DOK6: variants seen among roughly 807,000 people sequenced by gnomAD.
The protein encoded by DOK6 is docking protein 6.
A neutral mutation model predicts 44.0 loss-of-function variants in DOK6; 22 were observed. The ratio of observed to expected loss-of-function variants is 0.50; its 90% CI spans 0.36 to 0.71. DOK6 has a LOEUF of 0.71. Ranked by LOEUF, DOK6 falls within the 30% of genes least tolerant of loss-of-function variation. The probability of loss-of-function intolerance (pLI) is 0.00; values close to 1 mark genes in which losing one functional copy is unlikely to be tolerated. For synonymous variants in DOK6, 166 were observed against 145.5 expected (o/e 1.14, Z -1.01); for missense variants, 340 against 416.4 (o/e 0.82, Z 1.60).
chr18:69,764,282 A>G (rs17792135), intron 7 of DOK6, among the ~76,000 whole-genome samples: 14,353 of 152,194 alleles, frequency 0.094, 717 homozygotes, highest in Middle Eastern at 0.14. Context: ...ACAGTGCCCA[A>G]TGAGCAGGTT....
At chr18:69,721,072 C>T (rs2144723600) in intron 5 of DOK6, among the ~76,000 whole-genome samples, 1 of 152,230 alleles carries the variant, frequency 6.6e-6, no homozygotes, top group South Asian at 2.1e-4. Flanking sequence ...GTCTTGCCTT[C>T]TTCAGTTCAT....
intron 6 of DOK6, among the ~76,000 whole-genome samples, chr18:69,751,388 TAAA>T (rs1177025998): frequency 1.3e-5 from 2 of 152,212 alleles, no homozygotes; most frequent in African/African-American, 4.8e-5. Flanking sequence ...ATAGTACAGT[TAAA>T]AAGTACTTAA....
chr18:69,779,910 T>G (rs926307028), intron 7 of DOK6, among the ~76,000 whole-genome samples: 1 of 152,132 alleles, frequency 6.6e-6, no homozygotes, highest in African/African-American at 2.4e-5. Context: ...TTTTCATGTT[T>G]TCACAGTTTC....
At chr18:69,676,358 AT>A (rs1297353216) in intron 3 of DOK6, among the ~76,000 whole-genome samples, 3 of 152,190 alleles carry the variant, frequency 2.0e-5, no homozygotes, top group Non-Finnish European at 4.4e-5. Context: ...GATGAAACTT[AT>A]TTTTGCTGCA....
intron 3 of DOK6, among the ~76,000 whole-genome samples, chr18:69,619,070 A>G (rs73973505): frequency 6.9e-4 from 105 of 152,072 alleles, no homozygotes; most frequent in African/African-American, 2.2e-3. Flanking sequence ...AAGAGATGCC[A>G]CAAAAAAACT....
At chr18:69,698,653 A>G (rs1986446455) in intron 5 of DOK6, 60 bp downstream of exon 5, 1 of 1,528,306 alleles carries the variant, frequency 6.5e-7, no homozygotes, top group Non-Finnish European at 8.8e-7. Context: ...TCTGTATAAC[A>G]GAGTCCTGAA....
rs189130684 is a variant in DOK6 at position 69,479,685 on chromosome 18, G to T, written c.66+78375G>T. 1.5e-3 allele frequency among the ~76,000 whole-genome samples: 225 copies of T among 152,088 alleles called. 1 individual carries two copies. The highest frequency in any genetic ancestry group is 2.6e-3 in the Non-Finnish European group (177 of 67,954). Reference sequence around the variant, plus strand: ...TTTGGCAAATTTTCACACACAAAAAGAAATACTCCTTATCACCTGTGGTAT... The same window carrying T: ...TTTGGCAAATTTTCACACACAAAAATAAATACTCCTTATCACCTGTGGTAT... On this transcript the variant is annotated intron_variant, in intron 1 of 7. Transcript: ENST00000382713.
Position 69,648,200 on chromosome 18 carries a change from A to G in DOK6, c.290-29534A>G, listed in dbSNP as rs557094427. Among the ~76,000 whole-genome samples the G allele has an allele frequency of 1.6e-3, 247 of 152,320 alleles. 1 individual carries two copies. The highest frequency in any genetic ancestry group is 3.4e-3 in the Middle Eastern group (1 of 294). The stretch of plus-strand genomic sequence containing the variant: ...ATTAATATTTTAGCTCCCTATAGTT[A>G]TTTACTATAATTGTTGAAGAAAATA... On this transcript the variant is annotated intron_variant, in intron 3 of 7. Transcript: ENST00000382713.
At chr18:69,436,555 A>C (rs373854018) in intron 1 of DOK6, among the ~76,000 whole-genome samples, 1 of 152,118 alleles carries the variant, frequency 6.6e-6, no homozygotes, top group East Asian at 1.9e-4. Flanking sequence ...TCTCCAGTCT[A>C]TCATTGATGG....
At chr18:69,733,767 G>A (rs895054699) in intron 5 of DOK6, among the ~76,000 whole-genome samples, 2 of 152,012 alleles carry the variant, frequency 1.3e-5, no homozygotes, top group African/African-American at 4.8e-5. Context: ...ATTAATGTGT[G>A]TAAACCCTAA....
Position 69,693,329 on chromosome 18 carries a change from AAAG to A in DOK6, c.410-5072_410-5070del, listed in dbSNP as rs1390355876. ...TCTTTGAAGAAAAAAAAAAAAAAAAAAAGAATCTATTGGCTTCCAGTAGACATT... is the reference window on the plus strand; with the variant it reads ...TCTTTGAAGAAAAAAAAAAAAAAAAAAATCTATTGGCTTCCAGTAGACATT... On this transcript the variant is annotated intron_variant, in intron 4 of 7. Transcript: ENST00000382713. Among the ~76,000 whole-genome samples the A allele has an allele frequency of 2.6e-5, 4 of 151,010 alleles. No homozygotes were observed. The South Asian group carries it at 6.2e-4, about 24-fold the overall frequency.
intron 1 of DOK6, among the ~76,000 whole-genome samples, chr18:69,439,574 C>T (rs943496532): frequency 6.6e-6 from 1 of 152,230 alleles, no homozygotes; most frequent in Non-Finnish European, 1.5e-5. Context: ...TACATCAGCA[C>T]TTGCTGCTTC....
chr18:69,415,558 T>C (rs550895797), intron 1 of DOK6, among the ~76,000 whole-genome samples: 2 of 152,224 alleles, frequency 1.3e-5, no homozygotes, highest in African/African-American at 4.8e-5. Context: ...AGATATTTAT[T>C]TTACCACAGT....
At chr18:69,690,521 T>A (rs1986241434) in intron 4 of DOK6, among the ~76,000 whole-genome samples, 1 of 152,202 alleles carries the variant, frequency 6.6e-6, no homozygotes. Flanking sequence ...GAGTGACCAC[T>A]GCAATAATCG....
intron 1 of DOK6, among the ~76,000 whole-genome samples, chr18:69,531,950 T>C (rs987706138): frequency 2.0e-5 from 3 of 152,246 alleles, no homozygotes; most frequent in Middle Eastern, 3.4e-3. Flanking sequence ...TTTATTTAGA[T>C]GAGGTCACGA....
intron 4 of DOK6, among the ~76,000 whole-genome samples, chr18:69,694,462 C>T (rs4369773): frequency 0.66 from 99,230 of 149,786 alleles, 33,239 homozygotes; most frequent in East Asian, 0.95. Context: ...TTTATTATAG[C>T]ATAATTATAT....
At chr18:69,494,463 G>C (rs968871236) in intron 1 of DOK6, among the ~76,000 whole-genome samples, 1 of 146,032 alleles carries the variant, frequency 6.8e-6, no homozygotes, top group African/African-American at 2.6e-5. Context: ...GTGATAGAGT[G>C]AGATTCTGTC....
Position 69,830,713 on chromosome 18 carries a change from G to A in DOK6, c.857-10531G>A, listed in dbSNP as rs762240437. Among the ~76,000 whole-genome samples the A allele has an allele frequency of 4.6e-5, 7 of 152,304 alleles. No homozygotes were observed. In the South Asian group the frequency reaches 6.2e-4, roughly 14 times the overall value. On this transcript the variant is annotated intron_variant, in intron 7 of 7. Transcript: ENST00000382713. Reference sequence around the variant, plus strand: ...ACACACTTCACAATTTTGAAGGAACGTGAATCAAGTCTTAAGGCATTGAGT... The same window carrying A: ...ACACACTTCACAATTTTGAAGGAACATGAATCAAGTCTTAAGGCATTGAGT...
At chr18:69,784,566 A>G (rs1266061425) in intron 7 of DOK6, among the ~76,000 whole-genome samples, 1 of 152,006 alleles carries the variant, frequency 6.6e-6, no homozygotes, top group Non-Finnish European at 1.5e-5. Context: ...TTCTTTAAAA[A>G]TTGCATAAGA....
Sources: gnomAD v4.1 joint callset for allele counts (sites outside exome capture counted in the v4.1 genomes callset) on GRCh38, gnomAD v4.1.1 for gene constraint, MANE v1.5 for transcripts, NCBI Gene and HGNC (gene_info 2026-07-23, HGNC 2026-07-21) for gene names.